The following OR2L13 variants were observed in gnomAD, a reference collection of about 807,000 sequenced individuals.
The protein encoded by OR2L13 is olfactory receptor 2L13.
In OR2L13, 14 loss-of-function variants were observed where a neutral mutation model predicts 15.3. The observed-to-expected ratio is 0.91, with a 90% confidence interval of 0.60 to 1.43. The LOEUF (loss-of-function observed/expected upper bound fraction) is 1.43, where lower values mean the gene tolerates loss of function less well. Among genes scored for constraint, OR2L13 ranks in the 40% most tolerant of loss-of-function variants. The pLI, the probability that OR2L13 is intolerant of heterozygous loss-of-function variation, is 0.00. For missense variants in OR2L13, 367 were observed against 387.9 expected, an observed-to-expected ratio of 0.95 and a Z score of 0.45; for synonymous variants, 152 against 142.9, an observed-to-expected ratio of 1.06 and a Z score of -0.45.
the OR2L13 span, among the ~76,000 whole-genome samples, chr1:248,045,406 A>G: frequency 6.6e-6 from 1 of 152,190 alleles, no homozygotes; most frequent in African/African-American, 2.4e-5. Flanking sequence ...GCTGACTCAT[A>G]TCCACCATAT....
the OR2L13 span, among the ~76,000 whole-genome samples, chr1:247,963,019 C>T: frequency 6.6e-6 from 1 of 152,148 alleles, no homozygotes; most frequent in African/African-American, 2.4e-5. Context: ...AATTGAGGCT[C>T]AGCCCGGGAT....
intron 1 of OR2L13, among the ~76,000 whole-genome samples, chr1:248,098,369 T>C (rs1450400316): frequency 6.6e-6 from 1 of 152,228 alleles, no homozygotes; most frequent in Non-Finnish European, 1.5e-5. Flanking sequence ...CATGTTTTTT[T>C]CTGATCAGTT....
At chr1:247,994,212 C>T in the OR2L13 span, among the ~76,000 whole-genome samples, 2,647 of 152,106 alleles carry the variant, frequency 0.017, 31 homozygotes, top group Non-Finnish European at 0.029. Context: ...CTGGCTAACA[C>T]GGTGAAAACC....
chr1:247,957,686 G>T, the OR2L13 span, among the ~76,000 whole-genome samples: 2 of 152,110 alleles, frequency 1.3e-5, no homozygotes, highest in Admixed American at 1.3e-4. Context: ...TGTATGTGTT[G>T]AGGAATTTAT....
At chr1:248,023,965 C>A in the OR2L13 span, 1 of 152,094 alleles carries the variant, frequency 6.6e-6, no homozygotes, top group Non-Finnish European at 1.5e-5. Context: ...AATTAAAGTG[C>A]ATAAAAACTA....
chr1:247,946,913 T>A, the OR2L13 span, among the ~76,000 whole-genome samples: 3 of 152,190 alleles, frequency 2.0e-5, no homozygotes, highest in Non-Finnish European at 4.4e-5. Context: ...TTGAGAGAAA[T>A]TTTTTTAAGA....
At chr1:247,991,015 T>G in the OR2L13 span, 2 of 1,527,394 alleles carry the variant, frequency 1.3e-6, no homozygotes, top group East Asian at 4.5e-5. Flanking sequence ...AGTGACTTTC[T>G]ACTATGCACC....
At chr1:248,061,336 C>A in the OR2L13 span, 3 of 1,613,852 alleles carry the variant, frequency 1.9e-6, no homozygotes, top group Middle Eastern at 3.3e-4. Context: ...TTCCTATGGC[C>A]GGGTTCTCCT....
chr1:247,957,386 ATAT>A, the OR2L13 span, among the ~76,000 whole-genome samples: 1 of 152,064 alleles, frequency 6.6e-6, no homozygotes, highest in East Asian at 1.9e-4. Flanking sequence ...TTCATCAGGG[ATAT>A]TGGTCTAAAA....
chr1:247,975,303 T>A, the OR2L13 span: 3 of 480,032 alleles, frequency 6.2e-6, no homozygotes, highest in African/African-American at 6.0e-5. Context: ...CCTGGGTCTA[T>A]GAGTGCACAG....
the OR2L13 span, chr1:248,038,383 T>C: frequency 1.9e-6 from 3 of 1,613,592 alleles, no homozygotes; most frequent in South Asian, 2.2e-5. Context: ...ATGGCTCTAA[T>C]TGGAAATCTA....
chr1:247,982,607 A>G, the OR2L13 span, among the ~76,000 whole-genome samples: 8 of 152,158 alleles, frequency 5.3e-5, no homozygotes, highest in Non-Finnish European at 1.0e-4. Context: ...TTAAATGTGT[A>G]TTTTTTAGTA....
the OR2L13 span, among the ~76,000 whole-genome samples, chr1:248,071,471 A>T: frequency 2.0e-5 from 3 of 152,146 alleles, no homozygotes; most frequent in South Asian, 2.1e-4. Context: ...TTGATGGGAC[A>T]TATCTCAAAA....
chr1:247,995,522 A>C, the OR2L13 span, among the ~76,000 whole-genome samples: 1 of 152,158 alleles, frequency 6.6e-6, no homozygotes, highest in Non-Finnish European at 1.5e-5. Context: ...TTATAGAAAA[A>C]ATTTTTGTGT....
the OR2L13 span, chr1:248,024,338 A>G: frequency 2.6e-5 from 4 of 152,222 alleles, no homozygotes; most frequent in Non-Finnish European, 5.9e-5. Flanking sequence ...GTAAAATAAA[A>G]AAGATGATAG....
the OR2L13 span, among the ~76,000 whole-genome samples, chr1:247,945,627 T>C: frequency 6.6e-6 from 1 of 152,142 alleles, no homozygotes; most frequent in Non-Finnish European, 1.5e-5. Context: ...TGTGTGGGAG[T>C]CTAAGACTCT....
chr1:248,070,314 A>C, the OR2L13 span, among the ~76,000 whole-genome samples: 2 of 151,664 alleles, frequency 1.3e-5, no homozygotes, highest in Non-Finnish European at 2.9e-5. Context: ...ACTCAGGATT[A>C]AGAAACTCAC....
the OR2L13 span, among the ~76,000 whole-genome samples, chr1:248,074,161 CA>C: frequency 5.7e-4 from 86 of 151,954 alleles, 1 homozygote; most frequent in Non-Finnish European, 1.1e-3. Context: ...ATTTTGGCCA[CA>C]GATATAAAGA....
At chr1:247,985,317 T>A in the OR2L13 span, among the ~76,000 whole-genome samples, 10 of 151,830 alleles carry the variant, frequency 6.6e-5, no homozygotes, top group Admixed American at 1.3e-4. Context: ...TGTCCATGTG[T>A]TCTCATTGTT....
Sources: allele counts gnomAD v4.1 joint callset (sites outside exome capture counted in the v4.1 genomes callset), GRCh38; gene constraint gnomAD v4.1.1; transcripts MANE v1.5; gene names NCBI Gene and HGNC (gene_info 2026-07-23, HGNC 2026-07-21).